The following RIC1 variants were observed in gnomAD, a reference collection of about 807,000 sequenced individuals.
RIC1 encodes guanine nucleotide exchange factor subunit RIC1.
Under a neutral mutation model 169.0 loss-of-function variants are expected in RIC1, and 88 were observed. The ratio of observed to expected loss-of-function variants is 0.52; its 90% CI spans 0.44 to 0.62. RIC1 has a LOEUF of 0.62. RIC1 is among the 20% of genes least tolerant of loss of function. The pLI is 0.00. For missense variants in RIC1, 1,877 were observed against 1,725.5 expected, an observed-to-expected ratio of 1.09 and a Z score of -1.56; for synonymous variants, 790 against 601.5, an observed-to-expected ratio of 1.31 and a Z score of -4.59.
chr9:5,763,845 G>A lies in RIC1; in HGVS notation c.2818G>A (p.Ala940Thr). The A allele has an allele frequency of 2.5e-6, 4 of 1,612,672 alleles. No homozygotes were observed. Among genetic ancestry groups the A allele is most frequent in the Non-Finnish European group, 3.4e-6 (4 of 1,178,962 alleles). ...GATGGCTCAGGATTTGGACACAGCT[G>A]CCTCTTACCTTATTATCTTACAGGT... ...CLMAQDLDTA[A>T]SYLIILQNME... is the part of the protein sequence containing the mutation. The change falls in exon 19 of 26, where the codon GCC becomes ACC. Residue 940 changes from alanine (A) to threonine (T), a missense_variant. Coordinates refer to ENST00000414202, the MANE Select transcript of RIC1 (RefSeq NM_020829.4). This position sits in a 1 kb window ranked among gnomAD's most constrained non-coding sequence, Gnocchi z 5.2.
intron 3 of RIC1, among the ~76,000 whole-genome samples, chr9:5,705,416 T>C (rs1013635095): frequency 6.6e-6 from 1 of 152,186 alleles, no homozygotes; most frequent in African/African-American, 2.4e-5. Flanking sequence ...TTTGATGCTA[T>C]TGTAAATGGA....
intron 1 of RIC1, among the ~76,000 whole-genome samples, chr9:5,637,918 C>T (rs1011835911): frequency 1.3e-5 from 2 of 152,118 alleles, no homozygotes; most frequent in African/African-American, 4.8e-5. Flanking sequence ...GCATCTTTGT[C>T]GTGTTCCAGA....
intron 7 of RIC1, among the ~76,000 whole-genome samples, chr9:5,738,187 T>C (rs1276152648): frequency 6.6e-6 from 1 of 152,208 alleles, no homozygotes; most frequent in East Asian, 1.9e-4. Context: ...CTATTTCCTT[T>C]TTTAAAAATT....
intron 7 of RIC1, among the ~76,000 whole-genome samples, chr9:5,733,977 A>AT (rs1563935788): frequency 1.3e-5 from 2 of 149,384 alleles, no homozygotes; most frequent in Non-Finnish European, 3.0e-5. Flanking sequence ...CTTATTGTGG[A>AT]TTTTTTTGGA....
rs139143524 is a variant in RIC1, at chr9:5,675,594, C to T, written c.253-14365C>T. Among the ~76,000 whole-genome samples the T allele has an allele frequency of 9.3e-4, 141 of 152,078 alleles. 1 individual carries two copies. The highest frequency in any genetic ancestry group is 3.2e-3 in the African/African-American group (131 of 41,486). On this transcript the variant is annotated intron_variant, in intron 2 of 25. Transcript: ENST00000414202. ...ACTTCTTTGTTGTCTTAATATTTAGCGTAATATAAAAGGTAGTCACTTAAT... is the reference window on the plus strand; with the variant it reads ...ACTTCTTTGTTGTCTTAATATTTAGTGTAATATAAAAGGTAGTCACTTAAT...
intron 3 of RIC1, among the ~76,000 whole-genome samples, chr9:5,701,471 G>C (rs1822215709): frequency 6.6e-6 from 1 of 151,850 alleles, no homozygotes; most frequent in African/African-American, 2.4e-5. Flanking sequence ...AAATTAGCTG[G>C]TGTGGTAATC....
intron 22 of RIC1, chr9:5,769,626 A>G (rs752522037): frequency 1.6e-4 from 68 of 413,160 alleles, no homozygotes; most frequent in Admixed American, 4.3e-4. Context: ...CCAGGGGAAC[A>G]GTAAGGCCAC....
In RIC1 at chr9:5,763,812, G is replaced by A. The variant is rs148688426; in HGVS notation, c.2785G>A (p.Glu929Lys). The A allele has an allele frequency of 1.9e-6, 3 of 1,614,048 alleles. No individual in the cohort carries two copies. In the African/African-American group the frequency reaches 4.0e-5, roughly 22 times the overall value. The change falls in exon 19 of 26, where the codon GAG becomes AAG. Residue 929 changes from glutamate (E) to lysine (K), a missense_variant. Physicochemically the swap from Glu to Lys is moderately conservative, Grantham distance 56. Transcript: ENST00000414202. This position sits in a 1 kb window ranked among gnomAD's most constrained non-coding sequence, Gnocchi z 5.2. ...AVGNPKDLFEECLMAQDLDTA... is the reference protein window; with the variant it reads ...AVGNPKDLFEKCLMAQDLDTA... The stretch of plus-strand genomic sequence containing the variant: ...TGGAAACCCTAAGGACTTGTTTGAG[G>A]AGTGTTTGATGGCTCAGGATTTGGA...
At chr9:5,689,821 A>G (rs192661031) in intron 2 of RIC1, 138 bp from the exon 3 acceptor site, 44 of 569,536 alleles carry the variant, frequency 7.7e-5, no homozygotes, top group Middle Eastern at 9.3e-4. Flanking sequence ...TTCTATTTGC[A>G]TAATTAGGCT....
chr9:5,757,309 A>G lies in RIC1; in HGVS notation c.1854-4A>G. ...AGGTATGTGGGTTTCTTTTGTTTTTACAGTCCAAATACTACTGCTGGTATT... is the reference window on the plus strand; with the variant it reads ...AGGTATGTGGGTTTCTTTTGTTTTTGCAGTCCAAATACTACTGCTGGTATT... On this transcript the variant is annotated splice_polypyrimidine_tract_variant and splice_region_variant and intron_variant, in intron 16 of 25. Transcript: ENST00000414202. 1 of 1,613,732 alleles carries G rather than the reference A, an allele frequency of 6.2e-7. No homozygotes were observed. The highest frequency in any genetic ancestry group is 8.5e-7 in the Non-Finnish European group (1 of 1,179,722).
chr9:5,640,301 G>A (rs778520675), intron 1 of RIC1, among the ~76,000 whole-genome samples: 8 of 152,070 alleles, frequency 5.3e-5, no homozygotes, highest in Non-Finnish European at 8.8e-5. Context: ...TTAAACTCAC[G>A]ACAACTTAAC....
At chr9:5,769,663 A>G (rs1159182917) in intron 22 of RIC1, 2 of 298,636 alleles carry the variant, frequency 6.7e-6, no homozygotes, top group Non-Finnish European at 1.2e-5. Flanking sequence ...GGACAAACTG[A>G]AAGTGTATAT....
At chr9:5,735,766 C>T (rs1824663913) in intron 7 of RIC1, among the ~76,000 whole-genome samples, 1 of 152,154 alleles carries the variant, frequency 6.6e-6, no homozygotes, top group African/African-American at 2.4e-5. Flanking sequence ...TAACAACCTT[C>T]CTGTTAACCT....
chr9:5,674,573 C>T (rs538327163), intron 2 of RIC1, among the ~76,000 whole-genome samples: 1 of 152,292 alleles, frequency 6.6e-6, no homozygotes, highest in East Asian at 1.9e-4. Context: ...AACTGCCTTT[C>T]CTTTTGTTCC....
intron 1 of RIC1, among the ~76,000 whole-genome samples, chr9:5,644,161 A>C (rs1243054112): frequency 6.6e-6 from 1 of 152,212 alleles, no homozygotes; most frequent in Non-Finnish European, 1.5e-5. Context: ...ATCCATAATC[A>C]CAGTCTAGTT....
Position 5,747,178 on chromosome 9 carries a change from A to G in RIC1, c.1249-124A>G, listed in dbSNP as rs1449184298. On this transcript the variant is annotated intron_variant, in intron 11 of 25. Coordinates refer to ENST00000414202, the MANE Select transcript of RIC1 (RefSeq NM_020829.4). ...TTTGTCCTCTGTGAAGAAAATCAAC[A>G]TCGAGATACATGTACATTTCCTATA... 7 of 688,512 alleles carry G rather than the reference A, an allele frequency of 1.0e-5. No individual in the cohort carries two copies. In the South Asian group the frequency reaches 1.1e-4, roughly 11 times the overall value. 42.7% of individuals were successfully genotyped at this position (688,512 alleles called of 1,614,324 possible).
At chr9:5,745,390 C>G (rs1378276847) in intron 10 of RIC1, among the ~76,000 whole-genome samples, 2 of 152,216 alleles carry the variant, frequency 1.3e-5, no homozygotes, top group African/African-American at 4.8e-5. Flanking sequence ...TTTGAACCTT[C>G]TCATTTTACA....
Position 5,769,106 on chromosome 9 carries a change from A to C in RIC1, c.3274A>C (p.Ser1092Arg). Residue 1092 changes from serine (S) to arginine (R), a missense_variant, in exon 22 of 26, where the codon AGT becomes CGT. By Grantham distance (110) the Ser-to-Arg change is moderately radical. Coordinates refer to ENST00000414202, the MANE Select transcript of RIC1 (RefSeq NM_020829.4). ...AGCCCAGCTGGGCTTTGAACTAATT[A>C]GTTGGCTATGCAAGGAACGTACCCG... is the stretch of plus-strand genomic sequence containing the variant. ...FAAQLGFELI[S>R]WLCKERTRAA... The C allele has an allele frequency of 6.2e-7, 1 of 1,614,154 alleles. No individual in the cohort carries two copies. Among genetic ancestry groups the C allele is most frequent in the Non-Finnish European group, 8.5e-7 (1 of 1,179,988 alleles).
rs761285532 is a variant in RIC1 at position 5,743,022 on chromosome 9, A to G, written c.1046+9A>G. On this transcript the variant is annotated intron_variant, in intron 9 of 25. Coordinates refer to ENST00000414202, the MANE Select transcript of RIC1 (RefSeq NM_020829.4). The stretch of plus-strand genomic sequence containing the variant: ...CTTGGAGGAGATTTTGCGTAAGTCA[A>G]AAAAGACAATTTTTAGATAAAATAA... The G allele has an allele frequency of 3.3e-5, 53 of 1,598,976 alleles. 1 individual carries two copies. The East Asian group carries it at 1.1e-3, about 34-fold the overall frequency.
Sources: allele counts gnomAD v4.1 joint callset (sites outside exome capture counted in the v4.1 genomes callset), GRCh38; gene constraint gnomAD v4.1.1; non-coding constraint Gnocchi (gnomAD v3.1); transcripts MANE v1.5; gene names NCBI Gene and HGNC (gene_info 2026-07-23, HGNC 2026-07-21).